GRIN2B: variants seen among roughly 807,000 people sequenced by gnomAD.
GRIN2B encodes the protein glutamate receptor ionotropic, NMDA 2B.
In GRIN2B, 5 loss-of-function variants were observed where a neutral mutation model predicts 114.5. The observed-to-expected ratio is 0.04, with a 90% CI of 0.02 to 0.09. The LOEUF (loss-of-function observed/expected upper bound fraction) is 0.09. Ranked by LOEUF, GRIN2B falls within the 10% of genes least tolerant of loss-of-function variation. The probability of loss-of-function intolerance (pLI) is 1.00; values close to 1 mark genes in which losing one functional copy is unlikely to be tolerated. For missense variants in GRIN2B, 1,108 were observed against 1,943.5 expected, an observed-to-expected ratio of 0.57 and a Z score of 8.08; for synonymous variants, 787 against 745.1, an observed-to-expected ratio of 1.06 and a Z score of -0.92.
In GRIN2B at chr12:13,676,130, G is replaced by A. The variant is rs78753740; in HGVS notation, c.1011-271C>T. Among the ~76,000 whole-genome samples the A allele has an allele frequency of 0.01, 1,588 of 152,182 alleles. 24 individuals carry two copies. The highest frequency in any genetic ancestry group is 0.036 in the African/African-American group (1,504 of 41,538). On this transcript the variant is annotated intron_variant, in intron 4 of 13. Coordinates refer to ENST00000609686, the MANE Select transcript of GRIN2B (RefSeq NM_000834.5). ...CGCATGTTCTCACTTACAAGTGGGA[G>A]CTGAACAATGTGAACACATAGACAC...
intron 3 of GRIN2B, among the ~76,000 whole-genome samples, chr12:13,792,356 G>A (rs1864336182): frequency 6.6e-6 from 1 of 152,258 alleles, no homozygotes; most frequent in Admixed American, 6.5e-5. Context: ...GTCATAGGAT[G>A]AGAGAAGCGG....
intron 3 of GRIN2B, among the ~76,000 whole-genome samples, chr12:13,815,410 C>T (rs573618637): frequency 1.3e-5 from 2 of 151,630 alleles, no homozygotes; most frequent in East Asian, 1.9e-4. Context: ...CTTCTGACAC[C>T]GTAACAACAA....
chr12:13,953,812 T>C (rs551514915), intron 2 of GRIN2B, among the ~76,000 whole-genome samples: 1 of 152,340 alleles, frequency 6.6e-6, no homozygotes, highest in Admixed American at 6.5e-5. Flanking sequence ...GCACATGGGG[T>C]TGGCCATGCC....
In GRIN2B at chr12:13,599,823, T is replaced by A. The variant is rs544781342; in HGVS notation, c.2010+8780A>T. On this transcript the variant is annotated intron_variant, in intron 10 of 13. Transcript: ENST00000609686. The stretch of plus-strand genomic sequence containing the variant: ...ACCTGCTCCTCCCCACCTGGGAGAG[T>A]CAGTCTGACTGGGAGAGGCCACATA... Among the ~76,000 whole-genome samples, 14 of 152,116 alleles carry A rather than the reference T, an allele frequency of 9.2e-5. No homozygotes were observed. The South Asian group carries it at 2.9e-3, about 32-fold the overall frequency.
intron 5 of GRIN2B, among the ~76,000 whole-genome samples, chr12:13,670,885 C>T (rs1424276725): frequency 6.6e-6 from 1 of 152,136 alleles, no homozygotes; most frequent in Non-Finnish European, 1.5e-5. Context: ...CCCTAAGCCT[C>T]CAAGAGGTTC....
intron 4 of GRIN2B, among the ~76,000 whole-genome samples, chr12:13,687,834 G>A (rs1950184856): frequency 6.6e-6 from 1 of 152,202 alleles, no homozygotes; most frequent in Non-Finnish European, 1.5e-5. Flanking sequence ...TATGCTGACT[G>A]ACATTTTTCC....
At chr12:13,621,295 A>G (rs7977601) in intron 5 of GRIN2B, among the ~76,000 whole-genome samples, 146,344 of 152,244 alleles carry the variant, frequency 0.96, 70,595 homozygotes, top group East Asian at 1. Context: ...CTACAATCCT[A>G]GAAGTGCAGA....
At chr12:13,577,564 G>C (rs1948793403) in intron 10 of GRIN2B, among the ~76,000 whole-genome samples, 1 of 152,156 alleles carries the variant, frequency 6.6e-6, no homozygotes, top group Non-Finnish European at 1.5e-5. Flanking sequence ...GAAAGGAAGA[G>C]GGGAGCAAGT....
At chr12:13,593,983 C>T (rs1471012015) in intron 10 of GRIN2B, among the ~76,000 whole-genome samples, 1 of 152,170 alleles carries the variant, frequency 6.6e-6, no homozygotes, top group Non-Finnish European at 1.5e-5. Flanking sequence ...GATACCATCT[C>T]ATGCCAGTTA....
intron 3 of GRIN2B, among the ~76,000 whole-genome samples, chr12:13,754,929 C>T (rs1020755849): frequency 1.3e-5 from 2 of 152,144 alleles, no homozygotes; most frequent in Non-Finnish European, 2.9e-5. Flanking sequence ...ATATCAAGTC[C>T]TGCATTTTCT....
intron 10 of GRIN2B, among the ~76,000 whole-genome samples, chr12:13,576,171 C>T (rs1012771058): frequency 7.2e-5 from 11 of 152,172 alleles, no homozygotes. Flanking sequence ...ATTTTTTATA[C>T]TGTCATTGGA....
chr12:13,653,216 T>C (rs1173559314), intron 5 of GRIN2B, among the ~76,000 whole-genome samples: 2 of 152,030 alleles, frequency 1.3e-5, no homozygotes, highest in Non-Finnish European at 2.9e-5. Context: ...GTTAAGTAGA[T>C]TGTGATGCCA....
chr12:13,785,463 A>G (rs765474463), intron 3 of GRIN2B, among the ~76,000 whole-genome samples: 1 of 152,130 alleles, frequency 6.6e-6, no homozygotes, highest in African/African-American at 2.4e-5. Flanking sequence ...CAACTCCCAC[A>G]TGCCTTATGT....
intron 9 of GRIN2B, among the ~76,000 whole-genome samples, chr12:13,611,481 C>T (rs1317034684): frequency 6.6e-6 from 1 of 152,202 alleles, no homozygotes; most frequent in Non-Finnish European, 1.5e-5. Flanking sequence ...TTTTTCCTCT[C>T]CTTTACTTGG....
chr12:13,927,806 T>A (rs997384428), intron 2 of GRIN2B, among the ~76,000 whole-genome samples: 1 of 146,424 alleles, frequency 6.8e-6, no homozygotes, highest in African/African-American at 2.5e-5. Flanking sequence ...AAAATAAAAA[T>A]TAAAAAAAAA....
At chr12:13,743,916 T>C (rs2136618880) in intron 4 of GRIN2B, among the ~76,000 whole-genome samples, 1 of 152,332 alleles carries the variant, frequency 6.6e-6, no homozygotes, top group South Asian at 2.1e-4. Flanking sequence ...TAATCTCTTT[T>C]GGAAAATTGT....
At chr12:13,904,493 C>A (rs1866506525) in intron 2 of GRIN2B, among the ~76,000 whole-genome samples, 1 of 152,032 alleles carries the variant, frequency 6.6e-6, no homozygotes, top group Non-Finnish European at 1.5e-5. Context: ...CTTTTAATTG[C>A]ATCACTATTA....
At chr12:13,778,221 T>C (rs1591725308) in intron 3 of GRIN2B, among the ~76,000 whole-genome samples, 3 of 152,214 alleles carry the variant, frequency 2.0e-5, no homozygotes, top group Admixed American at 1.3e-4. Flanking sequence ...TGTAATTCTC[T>C]ATATCAAGAA....
intron 5 of GRIN2B, among the ~76,000 whole-genome samples, chr12:13,644,292 A>G (rs1212951890): frequency 6.6e-6 from 1 of 152,174 alleles, no homozygotes; most frequent in Non-Finnish European, 1.5e-5. Context: ...TTGAATGACT[A>G]GATGTATTTA....
Sources: gnomAD v4.1 joint callset for allele counts (sites outside exome capture counted in the v4.1 genomes callset) on GRCh38, gnomAD v4.1.1 for gene constraint, MANE v1.5 for transcripts, NCBI Gene and HGNC (gene_info 2026-07-23, HGNC 2026-07-21) for gene names.